ESCO2: variants seen among roughly 807,000 people sequenced by gnomAD.
ESCO2 encodes the protein N-acetyltransferase ESCO2.
ESCO2 carries 51 observed loss-of-function variants against 61.7 expected under a neutral mutation model. The observed-to-expected ratio is 0.83, with a 90% CI of 0.66 to 1.04. ESCO2 has a LOEUF of 1.04. Ranked by LOEUF, ESCO2 falls within the 50% of genes least tolerant of loss-of-function variation. The probability of loss-of-function intolerance (pLI) is 0.00; values close to 1 mark genes in which losing one functional copy is unlikely to be tolerated. For missense variants in ESCO2, 692 were observed against 686.2 expected, an observed-to-expected ratio of 1.01 and a Z score of -0.09; for synonymous variants, 230 against 238.2, an observed-to-expected ratio of 0.97 and a Z score of 0.32.
At chr8:27,800,092 A>G (rs564159748) in intron 10 of ESCO2, among the ~76,000 whole-genome samples, 31 of 152,322 alleles carry the variant, frequency 2.0e-4, no homozygotes, top group African/African-American at 7.5e-4. Flanking sequence ...AATATAATCT[A>G]TACAAAGTAA....
At chr8:27,780,326 T>C in intron 4 of ESCO2, 59 bp downstream of exon 4, 1 of 1,078,980 alleles carries the variant, frequency 9.3e-7, no homozygotes, top group Non-Finnish European at 1.4e-6. Context: ...ACATACATTA[T>C]ACAATAATAA....
intron 4 of ESCO2, among the ~76,000 whole-genome samples, chr8:27,783,638 C>T (rs1028226113): frequency 1.5e-4 from 23 of 152,088 alleles, no homozygotes; most frequent in Admixed American, 1.2e-3. Context: ...CACAGTCTCA[C>T]TAAGTTGCCC....
At position 27,792,032 on chromosome 8, in the gene ESCO2, C is replaced by T; in HGVS notation, c.1333C>T (p.Pro445Ser). 1 of 1,614,008 alleles carries T rather than the reference C, an allele frequency of 6.2e-7. No individual in the cohort carries two copies. The highest frequency in any genetic ancestry group is 8.5e-7 in the Non-Finnish European group (1 of 1,179,978). ...AATCGTGTTGGTTCTGCCACATGAT[C>T]CAAGCTTTGCTATCAAAAAGGTATG... is the stretch of plus-strand genomic sequence containing the variant. ...GKIVLVLPHD[P>S]SFAIKKVEDV... Residue 445 changes from proline to serine, a missense_variant, in exon 8 of 11, where the codon CCA becomes TCA. Pro to Ser is a moderately conservative substitution (Grantham distance 74). Transcript: ENST00000305188.
chr8:27,780,879 TATG>T (rs946300228), intron 4 of ESCO2, among the ~76,000 whole-genome samples: 4 of 152,298 alleles, frequency 2.6e-5, no homozygotes, highest in East Asian at 3.9e-4. Flanking sequence ...GATTCTGAGA[TATG>T]ATGTTAATAA....
In ESCO2 at chr8:27,792,696, A is replaced by G; in HGVS notation, c.1382A>G (p.Asn461Ser). Reference protein sequence around the residue: ...KVEDVQELVDNELGFQQVVPK... With the variant: ...KVEDVQELVDSELGFQQVVPK... ...GAAGATGTCCAAGAACTTGTTGATA[A>G]TGAATTGGGCTTCCAGCAAGTTGTT... The change falls in exon 9 of 11, where the codon AAT becomes AGT. Residue 461 changes from asparagine to serine, a missense_variant. Asn to Ser is a conservative substitution (Grantham distance 46, BLOSUM62 1). Transcript: ENST00000305188. The G allele has an allele frequency of 6.2e-7, 1 of 1,612,756 alleles. No individual in the cohort carries two copies. Among genetic ancestry groups the G allele is most frequent in the Non-Finnish European group, 8.5e-7 (1 of 1,179,676 alleles).
At chr8:27,806,547 T>C (rs1403380896), downstream of ESCO2, among the ~76,000 whole-genome samples, 4 of 152,166 alleles carry the variant, frequency 2.6e-5, no homozygotes, top group East Asian at 1.9e-4. Context: ...TGGGATTTTA[T>C]TGGAATTGTG....
At chr8:27,810,959 TTCATCA>T (rs763304019), downstream of ESCO2, 2 of 1,547,640 alleles carry the variant, frequency 1.3e-6, no homozygotes, top group Non-Finnish European at 1.8e-6. Flanking sequence ...TATTCATACC[TTCATCA>T]TCATCATCAT....
At chr8:27,810,371 A>G (rs777713260), downstream of ESCO2, 3 of 1,611,198 alleles carry the variant, frequency 1.9e-6, no homozygotes, top group Middle Eastern at 1.7e-4. Context: ...GGTCTTCATT[A>G]GTGCATACAG....
intron 4 of ESCO2, among the ~76,000 whole-genome samples, chr8:27,783,218 C>G (rs1457063406): frequency 6.6e-6 from 1 of 152,156 alleles, no homozygotes; most frequent in Non-Finnish European, 1.5e-5. Context: ...CCAGGAAAAA[C>G]ATTACACATA....
Position 27,791,833 on chromosome 8 carries a change from T to C in ESCO2, c.1264-130T>C, listed in dbSNP as rs112928602. On this transcript the variant is annotated intron_variant, in intron 7 of 10. Coordinates refer to ENST00000305188, the MANE Select transcript of ESCO2 (RefSeq NM_001017420.3). ...TTTCTCTTCCCACATTACTTTTAGT[T>C]GGATTTCATCTTCTTCTTTTTATAT... 1.3e-3 allele frequency: 1,042 copies of C among 813,050 alleles called. 7 individuals are homozygous for C. Among genetic ancestry groups the C allele is most frequent in the African/African-American group, 9.3e-3 (523 of 56,184 alleles). 50.4% of individuals were successfully genotyped at this position (813,050 alleles called of 1,614,324 possible).
At chr8:27,779,916 C>T (rs1295318899) in intron 3 of ESCO2, 16 of 385,002 alleles carry the variant, frequency 4.2e-5, no homozygotes, top group African/African-American at 2.7e-4. Flanking sequence ...CTACCCACCT[C>T]GGCCTCCCAA....
intron 7 of ESCO2, among the ~76,000 whole-genome samples, chr8:27,789,791 A>AAG (rs1190852653): frequency 6.6e-6 from 1 of 152,036 alleles, no homozygotes; most frequent in Non-Finnish European, 1.5e-5. Flanking sequence ...CAAAAAAAAA[A>AAG]AAAAAAAGCC....
Position 27,804,284 on chromosome 8 carries a change from G to A in ESCO2, c.*846G>A, listed in dbSNP as rs1805516236. 1 of 985,170 alleles carries A rather than the reference G, an allele frequency of 1.0e-6. No homozygotes were observed. The highest frequency in any genetic ancestry group is 1.7e-5 in the African/African-American group (1 of 57,218). 61.0% of individuals were successfully genotyped at this position (985,170 alleles called of 1,614,324 possible). A position where few individuals can be genotyped will look rare whatever the true frequency, so the allele number is the denominator to read the frequency against. ...CACTATTACTTAGTTAATTTTTGTT[G>A]TATGGAAATATTGGTAGTACTACTT... On this transcript the variant is annotated 3_prime_UTR_variant, in exon 11 of 11. Coordinates refer to ENST00000305188, the MANE Select transcript of ESCO2 (RefSeq NM_001017420.3).
At chr8:27,802,887 C>G (rs1246940549) in intron 10 of ESCO2, among the ~76,000 whole-genome samples, 2 of 151,316 alleles carry the variant, frequency 1.3e-5, no homozygotes, top group African/African-American at 2.4e-5. Context: ...GCTGGGACTA[C>G]AGGCATGCAC....
At position 27,777,069 on chromosome 8, in the gene ESCO2, C is replaced by A; in HGVS notation, c.761C>A (p.Thr254Asn). The change falls in exon 3 of 11, where the codon ACT (threonine) becomes AAT (asparagine). Residue 254 changes from threonine (T) to asparagine (N), a missense_variant. By Grantham distance (65) the Thr-to-Asn change is moderately conservative. Coordinates refer to ENST00000305188, the MANE Select transcript of ESCO2 (RefSeq NM_001017420.3). Reference protein sequence around the residue: ...SDVETVSEKKTFATRQVPKCL... With the variant: ...SDVETVSEKKNFATRQVPKCL... ...GTAGAGACTGTCAGTGAAAAAAAAA[C>A]TTTTGCGACAAGGCAAGTGCCAAAG... 2 of 1,605,584 alleles carry A rather than the reference C, an allele frequency of 1.2e-6. No homozygotes were observed. Among genetic ancestry groups the A allele is most frequent in the Non-Finnish European group, 1.7e-6 (2 of 1,178,078 alleles).
At chr8:27,775,382 G>C in intron 1 of ESCO2, 117 bp from the exon 2 acceptor site, 1 of 893,904 alleles carries the variant, frequency 1.1e-6, no homozygotes, top group Non-Finnish European at 1.9e-6. Context: ...TGTCGAGGAA[G>C]ACCTCCCAGA....
downstream of ESCO2, among the ~76,000 whole-genome samples, chr8:27,806,576 T>C (rs1805567670): frequency 6.6e-6 from 1 of 152,156 alleles, no homozygotes; most frequent in African/African-American, 2.4e-5. Flanking sequence ...ATAGATCAAT[T>C]TGGGAGGACT....
At chr8:27,806,039 C>G (rs568256050), downstream of ESCO2, among the ~76,000 whole-genome samples, 2 of 152,264 alleles carry the variant, frequency 1.3e-5, no homozygotes, top group East Asian at 3.9e-4. Flanking sequence ...CCTAGATCAC[C>G]TTGTACATCC....
chr8:27,780,889 A>G (rs767841911), intron 4 of ESCO2, among the ~76,000 whole-genome samples: 1 of 152,222 alleles, frequency 6.6e-6, no homozygotes, highest in East Asian at 1.9e-4. Flanking sequence ...TATGATGTTA[A>G]TAACTAGTAT....
Sources: allele counts gnomAD v4.1 joint callset (sites outside exome capture counted in the v4.1 genomes callset), GRCh38; gene constraint gnomAD v4.1.1; transcripts MANE v1.5; gene names NCBI Gene and HGNC (gene_info 2026-07-23, HGNC 2026-07-21).